GNAS: variants seen among roughly 807,000 people sequenced by gnomAD.
GNAS encodes the protein GNAS complex locus.
Under a neutral mutation model 54.5 loss-of-function variants are expected in GNAS, and 8 were observed. The ratio of observed to expected loss-of-function variants is 0.15; its 90% confidence interval spans 0.09 to 0.26. GNAS has a LOEUF of 0.26. Ranked by LOEUF, GNAS falls within the 10% of genes least tolerant of loss-of-function variation. The pLI is 1.00. For synonymous variants in GNAS, 204 were observed against 191.4 expected (o/e 1.07, Z -0.54); for missense variants, 170 against 529.8 (o/e 0.32, Z 6.67).
At chr20:58,892,123 G>GTC (rs907017474) in intron 1 of GNAS, 3 of 967,200 alleles carry the variant, frequency 3.1e-6, no homozygotes, top group Non-Finnish European at 3.7e-6. Flanking sequence ...CCCGCTCAGT[G>GTC]TCTCTCTCTT....
upstream of GNAS, among the ~76,000 whole-genome samples, chr20:58,887,838 C>T (rs1374107726): frequency 6.6e-6 from 1 of 152,098 alleles, no homozygotes; most frequent in Non-Finnish European, 1.5e-5. Flanking sequence ...AAAAAAGAGG[C>T]CTTGTACAAT....
chr20:58,897,178 G>A (rs993614367), intron 2 of GNAS, among the ~76,000 whole-genome samples: 3 of 152,142 alleles, frequency 2.0e-5, no homozygotes, highest in Admixed American at 2.0e-4. Flanking sequence ...ATGCACATAC[G>A]TGCTATTGAG....
At chr20:58,877,656 G>C (rs145383399) in intron 1 of GNAS, among the ~76,000 whole-genome samples, 10 of 152,214 alleles carry the variant, frequency 6.6e-5, no homozygotes, top group Non-Finnish European at 1.3e-4. Flanking sequence ...GAAGCCAGCC[G>C]TGTTTTAGGA....
intron 1 of GNAS, among the ~76,000 whole-genome samples, chr20:58,868,457 T>C (rs1355693652): frequency 1.3e-5 from 2 of 152,096 alleles, no homozygotes; most frequent in Non-Finnish European, 2.9e-5. Flanking sequence ...GCCAGCTTTT[T>C]TTTTTTTTCT....
At chr20:58,906,450 T>C (rs1226939013) in intron 6 of GNAS, among the ~76,000 whole-genome samples, 1 of 152,224 alleles carries the variant, frequency 6.6e-6, no homozygotes, top group Admixed American at 6.5e-5. Flanking sequence ...AAAGTTGCCT[T>C]TGAAATAGTT....
chr20:58,897,103 G>A (rs1242596640), intron 2 of GNAS, among the ~76,000 whole-genome samples: 2 of 152,338 alleles, frequency 1.3e-5, no homozygotes, highest in East Asian at 3.9e-4. Context: ...AATTCAGAAG[G>A]ATTGGTTGGG....
chr20:58,891,066 G>A (rs555277392), upstream of GNAS, among the ~76,000 whole-genome samples: 1 of 150,208 alleles, frequency 6.7e-6, no homozygotes, highest in African/African-American at 2.4e-5. Context: ...GCGAGGGGTC[G>A]TCACTGGCGC....
chr20:58,892,062 CGG>C (rs976397623), intron 1 of GNAS, 197 bp downstream of exon 1: 3 of 899,650 alleles, frequency 3.3e-6, no homozygotes, highest in Non-Finnish European at 4.0e-6. Flanking sequence ...GGCTCAAAAA[CGG>C]GGCGGGGGGC....
At chr20:58,865,433 TAC>T (rs1353160184) in intron 1 of GNAS, among the ~76,000 whole-genome samples, 6 of 145,080 alleles carry the variant, frequency 4.1e-5, no homozygotes, top group Non-Finnish European at 8.9e-5. Flanking sequence ...AATATATATA[TAC>T]ACATATATTT....
chr20:58,902,982 C>T (rs752628087), intron 3 of GNAS: 8 of 201,086 alleles, frequency 4.0e-5, no homozygotes, highest in East Asian at 1.2e-4. Flanking sequence ...GCAGTCTGCC[C>T]GCCTCAGCCT....
intron 2 of GNAS, among the ~76,000 whole-genome samples, 166 bp downstream of exon 2, chr20:58,895,850 C>T (rs902594462): frequency 5.3e-5 from 8 of 152,072 alleles, no homozygotes; most frequent in Admixed American, 1.3e-4. Flanking sequence ...GGGTCCCTCA[C>T]CCCCCACCCC....
rs570213695 is a variant in GNAS at position 58,854,367 on chromosome 20, G to A, written c.43+13481G>A. The A allele has an allele frequency of 1.1e-5, 18 of 1,573,398 alleles. No homozygotes were observed. In the South Asian group the frequency reaches 1.7e-4, roughly 15 times the overall value. ...AGAGATGGAAGGAGCCGCTGATGCC[G>A]CGGAGGGAGGAAAAGTACCCTCTCC... On this transcript the variant is annotated intron_variant, in intron 1 of 12. Transcript: ENST00000306090.
At position 58,863,186 on chromosome 20, in the gene GNAS, T is replaced by A. The variant is rs1284386843; in HGVS notation, c.43+22300T>A. ...TTTCAAGTTAGAATCAGTGGAGCGCTTTTCTACATGCAACAACTGGGAGCT... is the reference window on the plus strand; with the variant it reads ...TTTCAAGTTAGAATCAGTGGAGCGCATTTCTACATGCAACAACTGGGAGCT... On this transcript the variant is annotated intron_variant, in intron 1 of 12. Transcript: ENST00000306090. This position sits in a 1 kb window ranked among gnomAD's most constrained non-coding sequence, Gnocchi z 4.1. 6.6e-6 allele frequency among the ~76,000 whole-genome samples: 1 copy of A among 152,174 alleles called. No homozygotes were observed.
upstream of GNAS, chr20:58,891,253 GCCGCGGCCGCT>G (rs2089239839): frequency 6.8e-6 from 1 of 147,594 alleles, no homozygotes; most frequent in African/African-American, 2.5e-5. Flanking sequence ...CGCCGCCGCC[GCCGCGGCCGCT>G]CCTCGGCCCT....
upstream of GNAS, chr20:58,889,185 C>G (rs1248082570): frequency 2.5e-6 from 3 of 1,216,564 alleles, no homozygotes; most frequent in South Asian, 1.3e-5. Flanking sequence ...CACTCAGTCG[C>G]GTCGGCACCG....
chr20:58,905,378 T>C lies in GNAS; in HGVS notation c.433-5T>C. 1 of 1,548,478 alleles carries C rather than the reference T, an allele frequency of 6.5e-7. No individual in the cohort carries two copies. On this transcript the variant is annotated splice_region_variant and splice_polypyrimidine_tract_variant and intron_variant, in intron 5 of 12. Coordinates refer to ENST00000371085, the MANE Select transcript of GNAS (RefSeq NM_000516.7). ...TTCTCTAAACTTTCTTGTGTTCACT[T>C]TCAGGAATTCTATGAGCATGCCAAG...
intron 1 of GNAS, chr20:58,854,794 T>C (rs1364858649): frequency 1.3e-6 from 2 of 1,576,680 alleles, no homozygotes; most frequent in Non-Finnish European, 1.7e-6. Context: ...GCAGCCCAAG[T>C]CCGCCGGGCG....
chr20:58,885,287 C>T (rs1360062014), intron 1 of GNAS, among the ~76,000 whole-genome samples: 1 of 152,162 alleles, frequency 6.6e-6, no homozygotes, highest in African/African-American at 2.4e-5. Context: ...AGAAGGGCTG[C>T]AAAACGTCCT....
intron 2 of GNAS, among the ~76,000 whole-genome samples, chr20:58,896,945 G>T (rs1437478071): frequency 6.6e-6 from 1 of 152,160 alleles, no homozygotes. Context: ...GGAAACAAAG[G>T]TGAACTTTTT....
Sources: allele counts gnomAD v4.1 joint callset (sites outside exome capture counted in the v4.1 genomes callset), GRCh38; gene constraint gnomAD v4.1.1; non-coding constraint Gnocchi (gnomAD v3.1); transcripts MANE v1.5; gene names NCBI Gene and HGNC (gene_info 2026-07-23, HGNC 2026-07-21).